The following NOL4L variants were observed in gnomAD, a reference collection of about 807,000 sequenced individuals.
NOL4L encodes the protein nucleolar protein 4 like, also known as nucleolar protein 4-like.
NOL4L carries 7 observed loss-of-function variants against 64.5 expected under a neutral mutation model. That is an observed-to-expected ratio of 0.11 (90% CI 0.06 to 0.20). The LOEUF is 0.20. Ranked by LOEUF, NOL4L falls within the 10% of genes least tolerant of loss-of-function variation. The pLI is 1.00. For missense variants in NOL4L, 680 were observed against 967.1 expected (o/e 0.70, Z 3.94); for synonymous variants, 413 against 401.0 (o/e 1.03, Z -0.36).
intron 1 of NOL4L, among the ~76,000 whole-genome samples, chr20:32,563,548 A>G (rs1979227553): frequency 6.6e-6 from 1 of 152,042 alleles, no homozygotes; most frequent in Non-Finnish European, 1.5e-5. Context: ...CCCAAGGGCC[A>G]TCACAGGGCT....
At chr20:32,536,060 G>C in intron 1 of NOL4L, 3 of 985,718 alleles carry the variant, frequency 3.0e-6, no homozygotes, top group Non-Finnish European at 3.6e-6. Flanking sequence ...GTTTCCCCCT[G>C]TGTGAGCAGA....
chr20:32,457,923 C>G (rs1447706238), intron 5 of NOL4L, among the ~76,000 whole-genome samples: 1 of 152,222 alleles, frequency 6.6e-6, no homozygotes, highest in East Asian at 1.9e-4. Flanking sequence ...TGAGCACCTA[C>G]TGAGTGCTGG....
At chr20:32,530,994 T>TA in intron 1 of NOL4L, among the ~76,000 whole-genome samples, 1 of 152,218 alleles carries the variant, frequency 6.6e-6, no homozygotes, top group Non-Finnish European at 1.5e-5. Context: ...AACTTTAATT[T>TA]AAAAAACAGT....
Position 32,507,570 on chromosome 20 carries a change from G to A in NOL4L, c.699+3777C>T, listed in dbSNP as rs982919910. ...AGCCCTCAAGAAAATCCCACCACCT[G>A]CATTTTGATCAAAGCAAAGTGAGGG... On this transcript the variant is annotated intron_variant, in intron 4 of 10. Transcript: ENST00000621426. 3.9e-5 allele frequency among the ~76,000 whole-genome samples: 6 copies of A among 152,110 alleles called. No individual in the cohort carries two copies. In the East Asian group the frequency reaches 9.6e-4, roughly 24 times the overall value.
intron 5 of NOL4L, among the ~76,000 whole-genome samples, chr20:32,468,951 T>C (rs1282792277): frequency 1.3e-5 from 2 of 149,952 alleles, no homozygotes; most frequent in Non-Finnish European, 3.0e-5. Context: ...AACAGGGACT[T>C]GAGTGTCCTT....
At chr20:32,487,372 A>G (rs2145507806) in intron 4 of NOL4L, among the ~76,000 whole-genome samples, 1 of 92,732 alleles carries the variant, frequency 1.1e-5, no homozygotes, top group South Asian at 3.8e-4. Context: ...GGGGAGAGGC[A>G]GAGGATGGGG....
rs563423404 is a variant in NOL4L, at chr20:32,475,718, C to A, written c.700-976G>T. Among the ~76,000 whole-genome samples, 9 of 152,342 alleles carry A rather than the reference C, an allele frequency of 5.9e-5. No individual in the cohort carries two copies. In the South Asian group the frequency reaches 1.9e-3, roughly 32 times the overall value. On this transcript the variant is annotated intron_variant, in intron 4 of 10. Transcript: ENST00000621426. ...CCTCCCCCCAGCAAGACACAATGGC[C>A]TCTGTGGGCCCCCAGTGAGGACCTC...
Position 32,453,101 on chromosome 20 carries a change from G to A in NOL4L, c.1498-95C>T. On this transcript the variant is annotated intron_variant, in intron 8 of 10. Coordinates refer to ENST00000621426, the MANE Select transcript of NOL4L (RefSeq NM_001256798.2). The surrounding 1 kb of genome is among the most constrained non-coding windows in gnomAD (Gnocchi z 5.6). ...CCCAGGGGTGGGTGGCACAGGGTGG[G>A]GTTTGGGCTCCAGCGCCTCAGTCTA... is the stretch of plus-strand genomic sequence containing the variant. 1 of 1,552,670 alleles carries A rather than the reference G, an allele frequency of 6.4e-7. No homozygotes were observed. Among genetic ancestry groups the A allele is most frequent in the African/African-American group, 1.4e-5 (1 of 73,544 alleles).
At chr20:32,483,206 A>G (rs1165898536) in intron 4 of NOL4L, among the ~76,000 whole-genome samples, 1 of 148,220 alleles carries the variant, frequency 6.7e-6, no homozygotes, top group African/African-American at 2.5e-5. Flanking sequence ...GCCCCGGCAA[A>G]GGAAGCTCCC....
intron 3 of NOL4L, among the ~76,000 whole-genome samples, chr20:32,513,584 C>T (rs548842017): frequency 6.6e-5 from 10 of 152,228 alleles, no homozygotes; most frequent in East Asian, 1.9e-4. Context: ...ACGATTAAGC[C>T]GGGCACGGTG....
At chr20:32,543,926 C>G (rs1037116654) in intron 1 of NOL4L, among the ~76,000 whole-genome samples, 1 of 152,096 alleles carries the variant, frequency 6.6e-6, no homozygotes, top group African/African-American at 2.4e-5. Context: ...GCTGAAGGTG[C>G]GATGTTAAGT....
chr20:32,525,018 G>A (rs541712690), intron 2 of NOL4L, among the ~76,000 whole-genome samples: 149 of 152,366 alleles, frequency 9.8e-4, no homozygotes, highest in African/African-American at 3.5e-3. Context: ...TTCCAGCTCT[G>A]TGTGCAGCTC....
intron 4 of NOL4L, among the ~76,000 whole-genome samples, chr20:32,502,438 C>A (rs572496813): frequency 8.0e-5 from 12 of 150,632 alleles, no homozygotes; most frequent in African/African-American, 2.9e-4. Context: ...ACTGAAAGTA[C>A]AAAAATTAGC....
At chr20:32,499,491 C>A (rs1385175865) in intron 4 of NOL4L, among the ~76,000 whole-genome samples, 1 of 152,058 alleles carries the variant, frequency 6.6e-6, no homozygotes, top group African/African-American at 2.4e-5. Flanking sequence ...GTAATCCCAG[C>A]ACTTTGGGAG....
chr20:32,558,446 C>G (rs981988106), intron 1 of NOL4L, among the ~76,000 whole-genome samples: 11 of 152,166 alleles, frequency 7.2e-5, no homozygotes, highest in African/African-American at 2.7e-4. Context: ...TCACAAAAGT[C>G]CAAGGGGCCC....
chr20:32,476,731 C>T (rs293533), intron 4 of NOL4L, among the ~76,000 whole-genome samples: 13,167 of 152,260 alleles, frequency 0.086, 913 homozygotes, highest in African/African-American at 0.19. Context: ...TGGCACCCCT[C>T]GATCCACGAG....
chr20:32,552,078 T>C (rs1290044758), intron 1 of NOL4L, among the ~76,000 whole-genome samples: 1 of 152,190 alleles, frequency 6.6e-6, no homozygotes, highest in Non-Finnish European at 1.5e-5. Flanking sequence ...TATGAGCTAC[T>C]ATGCTCAGCC....
intron 2 of NOL4L, among the ~76,000 whole-genome samples, chr20:32,524,490 A>G (rs1398594499): frequency 6.6e-6 from 1 of 152,194 alleles, no homozygotes; most frequent in Admixed American, 6.5e-5. Flanking sequence ...GCACTGAAAA[A>G]GTCTGCCACC....
rs2014302152 is a variant in NOL4L at position 32,463,790 on chromosome 20, C to T, written c.842-7395G>A. ...TCTGTGCGAACCACCAATCGCCACACCGCGCTCTGGGGCCCACAGCCAGTG... is the reference window on the plus strand; with the variant it reads ...TCTGTGCGAACCACCAATCGCCACATCGCGCTCTGGGGCCCACAGCCAGTG... On this transcript the variant is annotated intron_variant, in intron 5 of 10. Coordinates refer to ENST00000621426, the MANE Select transcript of NOL4L (RefSeq NM_001256798.2). This position sits in a 1 kb window ranked among gnomAD's most constrained non-coding sequence, Gnocchi z 5.8. Among the ~76,000 whole-genome samples, 1 of 152,178 alleles carries T rather than the reference C, an allele frequency of 6.6e-6. No homozygotes were observed. The highest frequency in any genetic ancestry group is 6.5e-5 in the Admixed American group (1 of 15,286).
Sources: gnomAD v4.1 joint callset for allele counts (sites outside exome capture counted in the v4.1 genomes callset) on GRCh38, gnomAD v4.1.1 for gene constraint, Gnocchi (gnomAD v3.1) non-coding constraint, MANE v1.5 for transcripts, NCBI Gene and HGNC (gene_info 2026-07-23, HGNC 2026-07-21) for gene names.